Variants in REC114 observed in about 807,000 individuals in gnomAD.
The protein encoded by REC114 is REC114 meiotic recombination protein.
A neutral mutation model predicts 31.3 loss-of-function variants in REC114; 27 were observed. The ratio of observed to expected loss-of-function variants is 0.86; its 90% CI spans 0.64 to 1.19. REC114 has a LOEUF of 1.19. REC114 is among the 50% of genes most tolerant of loss of function. The pLI is 0.00. For missense variants in REC114, 344 were observed against 326.9 expected, an observed-to-expected ratio of 1.05 and a Z score of -0.40; for synonymous variants, 134 against 127.7, an observed-to-expected ratio of 1.05 and a Z score of -0.33.
At chr15:73,485,413 G>A (rs1294202731) in intron 2 of REC114, among the ~76,000 whole-genome samples, 1 of 152,086 alleles carries the variant, frequency 6.6e-6, no homozygotes, top group Non-Finnish European at 1.5e-5. Flanking sequence ...TCTATTCTTT[G>A]GCCACTGATA....
intron 3 of REC114, among the ~76,000 whole-genome samples, chr15:73,547,655 C>A (rs1204154664): frequency 6.6e-6 from 1 of 152,088 alleles, no homozygotes; most frequent in African/African-American, 2.4e-5. Context: ...TGTTCATCAG[C>A]AGATAAATGG....
intron 2 of REC114, among the ~76,000 whole-genome samples, chr15:73,519,081 G>A (rs938329047): frequency 3.3e-5 from 5 of 152,128 alleles, no homozygotes; most frequent in African/African-American, 1.2e-4. Flanking sequence ...ACAAACAAGC[G>A]AAACAGAAAG....
rs551240975 is a variant in REC114, at chr15:73,478,746, G to A, written c.249+4825G>A. Among the ~76,000 whole-genome samples, 3 of 152,156 alleles carry A rather than the reference G, an allele frequency of 2.0e-5. No individual in the cohort carries two copies. In the South Asian group the frequency reaches 6.2e-4, roughly 32 times the overall value. Reference sequence around the variant, plus strand: ...TATTGATTTCTCTCATCAATGTTTTGTAGTTTTCATAATACAGGTCTTGCA... The same window carrying A: ...TATTGATTTCTCTCATCAATGTTTTATAGTTTTCATAATACAGGTCTTGCA... On this transcript the variant is annotated intron_variant, in intron 2 of 5. Transcript: ENST00000331090.
chr15:73,507,496 T>C lies in REC114; in HGVS notation c.250-32989T>C, dbSNP rs567454231. ...CTGATCTGGAGGCTTTATAAGAATT[T>C]GGTAAAATTTCAGTGGTTATCCCTA... is the stretch of plus-strand genomic sequence containing the variant. On this transcript the variant is annotated intron_variant, in intron 2 of 5. Transcript: ENST00000331090. 2.2e-3 allele frequency among the ~76,000 whole-genome samples: 340 copies of C among 152,302 alleles called. 1 individual carries two copies. Among genetic ancestry groups the C allele is most frequent in the Admixed American group, 4.3e-3 (66 of 15,298 alleles).
intron 1 of REC114, among the ~76,000 whole-genome samples, chr15:73,467,787 C>T (rs1051010806): frequency 9.9e-5 from 15 of 152,106 alleles, no homozygotes; most frequent in Admixed American, 2.6e-4. Context: ...CTTAAAACAA[C>T]GCAAACATTA....
At chr15:73,484,410 G>T (rs1893338610) in intron 2 of REC114, among the ~76,000 whole-genome samples, 1 of 152,130 alleles carries the variant, frequency 6.6e-6, no homozygotes, top group Non-Finnish European at 1.5e-5. Flanking sequence ...TGGAGCTGGA[G>T]CTTCTGATTA....
chr15:73,543,942 C>CTTTTTTTTTT (rs34215297), intron 3 of REC114, among the ~76,000 whole-genome samples: 1 of 74,098 alleles, frequency 1.3e-5, no homozygotes, highest in Non-Finnish European at 2.5e-5. Flanking sequence ...TGTTAACTGG[C>CTTTTTTTTTT]TTTTTTTTTT....
chr15:73,483,590 G>A (rs908729146), intron 2 of REC114: 1 of 152,390 alleles, frequency 6.6e-6, no homozygotes, highest in Non-Finnish European at 1.5e-5. Context: ...CCAGGAAGCT[G>A]GTGTCCTTAG....
At chr15:73,480,098 C>T (rs1237503527) in intron 2 of REC114, among the ~76,000 whole-genome samples, 1 of 152,088 alleles carries the variant, frequency 6.6e-6, no homozygotes, top group Non-Finnish European at 1.5e-5. Flanking sequence ...ACCAATACCT[C>T]TTGTCTTCTG....
At position 73,556,285 on chromosome 15, in the gene REC114, A is replaced by G; in HGVS notation, c.547-17A>G. The G allele has an allele frequency of 6.2e-7, 1 of 1,606,742 alleles. No individual in the cohort carries two copies. Among genetic ancestry groups the G allele is most frequent in the Non-Finnish European group, 8.5e-7 (1 of 1,175,964 alleles). ...TACATTCAGCTAGTCTCCTTATTGC[A>G]TGTTGTTTTATTCCAGTCCCACCAG... On this transcript the variant is annotated splice_polypyrimidine_tract_variant and intron_variant, in intron 4 of 5. Transcript: ENST00000331090.
In REC114 at chr15:73,551,160, C is replaced by G; in HGVS notation, c.546+10C>G. 6.3e-7 allele frequency: 1 copy of G among 1,588,072 alleles called. No individual in the cohort carries two copies. Among genetic ancestry groups the G allele is most frequent in the Non-Finnish European group, 8.6e-7 (1 of 1,167,026 alleles). ...CCCACGGCAGCCTGGAGTAAGTAGG[C>G]TGATGTGTTGGTTATACAGGAAACA... On this transcript the variant is annotated intron_variant, in intron 4 of 5. Coordinates refer to ENST00000331090, the MANE Select transcript of REC114 (RefSeq NM_001042367.2).
Position 73,495,878 on chromosome 15 carries a change from C to T in REC114, c.249+21957C>T. ...TGAGCACATTTTACTTTGACTATTACTAATTAAACTCTTCTTAAATCTTTA... is the reference window on the plus strand; with the variant it reads ...TGAGCACATTTTACTTTGACTATTATTAATTAAACTCTTCTTAAATCTTTA... On this transcript the variant is annotated intron_variant, in intron 2 of 5. Coordinates refer to ENST00000331090, the MANE Select transcript of REC114 (RefSeq NM_001042367.2). 1.3e-5 allele frequency among the ~76,000 whole-genome samples: 2 copies of T among 152,088 alleles called. 1 individual carries two copies. The highest frequency in any genetic ancestry group is 2.9e-5 in the Non-Finnish European group (2 of 68,024).
intron 3 of REC114, among the ~76,000 whole-genome samples, chr15:73,546,169 C>G (rs566231081): frequency 6.6e-6 from 1 of 151,428 alleles, no homozygotes; most frequent in Non-Finnish European, 1.5e-5. Flanking sequence ...CACTTGTAAT[C>G]AAAGAAATGA....
chr15:73,549,385 T>C (rs1418610345), intron 3 of REC114, among the ~76,000 whole-genome samples: 1 of 152,138 alleles, frequency 6.6e-6, no homozygotes, highest in African/African-American at 2.4e-5. Context: ...GTGGGGATGG[T>C]TAATGGGTCC....
intron 5 of REC114, 55 bp downstream of exon 5, chr15:73,556,446 G>T (rs1047261047): frequency 1.4e-6 from 2 of 1,411,934 alleles, no homozygotes; most frequent in Admixed American, 1.9e-5. Context: ...TGACCCCTAA[G>T]AATTTGTATC....
rs200406801 is a variant in REC114 at position 73,559,830 on chromosome 15, C to T, written c.715C>T (p.Arg239Cys). Residue 239 changes from arginine to cysteine, a missense_variant, in exon 6 of 6, where the codon CGT (arginine) becomes TGT (cysteine). Arg to Cys is a radical substitution (Grantham distance 180, BLOSUM62 -3). Coordinates refer to ENST00000331090, the MANE Select transcript of REC114 (RefSeq NM_001042367.2). Reference sequence around the variant, plus strand: ...TGCAGAAGAGTTAGGCCCCTTCCTACGTTTGTGCCTTATGGATCAGAATTT... The same window carrying T: ...TGCAGAAGAGTTAGGCCCCTTCCTATGTTTGTGCCTTATGGATCAGAATTT... ...WGAEELGPFL[R>C]LCLMDQNFPA... 152 of 1,612,602 alleles carry T rather than the reference C, an allele frequency of 9.4e-5. No individual in the cohort carries two copies. Among genetic ancestry groups the T allele is most frequent in the Non-Finnish European group, 1.2e-4 (140 of 1,179,424 alleles).
At chr15:73,468,426 T>C (rs796659031) in intron 1 of REC114, among the ~76,000 whole-genome samples, 5 of 152,322 alleles carry the variant, frequency 3.3e-5, no homozygotes, top group African/African-American at 1.2e-4. Context: ...TTTATTGATC[T>C]TCTATTCTGT....
At chr15:73,556,069 G>T (rs1308157457) in intron 4 of REC114, among the ~76,000 whole-genome samples, 1 of 152,216 alleles carries the variant, frequency 6.6e-6, no homozygotes, top group Non-Finnish European at 1.5e-5. Context: ...GCCAACTGCT[G>T]AGGAACATCA....
Position 73,500,367 on chromosome 15 carries a change from AAC to A in REC114, c.249+26447_249+26448del, listed in dbSNP as rs1555487149. ...ACAGAAATAGCAAAAAAAAAAAAAA[AAC>A]TTGTTTCCCCAAAGAAACCAGATAC... On this transcript the variant is annotated intron_variant, in intron 2 of 5. Transcript: ENST00000331090. Among the ~76,000 whole-genome samples, 609 of 151,950 alleles carry A rather than the reference AAC, an allele frequency of 4.0e-3. 4 individuals are homozygous for A. The highest frequency in any genetic ancestry group is 0.013 in the African/African-American group (547 of 41,452).
Sources: gnomAD v4.1 joint callset for allele counts (sites outside exome capture counted in the v4.1 genomes callset) on GRCh38, gnomAD v4.1.1 for gene constraint, MANE v1.5 for transcripts, NCBI Gene and HGNC (gene_info 2026-07-23, HGNC 2026-07-21) for gene names.